BACE2: variants seen among roughly 807,000 people sequenced by gnomAD.
BACE2 encodes the protein 56 kDa aspartic-like protease.
A neutral mutation model predicts 46.2 loss-of-function variants in BACE2; 17 were observed. The observed-to-expected ratio is 0.37, with a 90% CI of 0.25 to 0.55. The LOEUF (loss-of-function observed/expected upper bound fraction) is 0.55. BACE2 is among the 20% of genes least tolerant of loss of function. The pLI is 0.82. For synonymous variants in BACE2, 277 were observed against 295.9 expected (o/e 0.94, Z 0.66); for missense variants, 595 against 698.1 (o/e 0.85, Z 1.66).
chr21:41,246,834 G>C (rs1480844142), intron 6 of BACE2, among the ~76,000 whole-genome samples: 2 of 152,170 alleles, frequency 1.3e-5, no homozygotes, highest in Non-Finnish European at 2.9e-5. Context: ...CTGGCGAGGG[G>C]TTTTGTGCCC....
At position 41,174,138 on chromosome 21, in the gene BACE2, C is replaced by CTTTTTTTTTTT. The variant is rs1568853912; in HGVS notation, c.312+5563_312+5564insTTTTTTTTTTT. Among the ~76,000 whole-genome samples the CTTTTTTTTTTT allele has an allele frequency of 7.9e-4, 56 of 70,640 alleles. 7 individuals carry two copies. The highest frequency in any genetic ancestry group is 2.8e-3 in the African/African-American group (30 of 10,562). 46.3% of individuals were successfully genotyped at this position (70,640 alleles called of 152,430 possible). A position where few individuals can be genotyped will look rare whatever the true frequency, so the allele number is the denominator to read the frequency against. On this transcript the variant is annotated intron_variant, in intron 1 of 8. Coordinates refer to ENST00000330333, the MANE Select transcript of BACE2 (RefSeq NM_012105.5). ...TAAGGATAGCTGTTGTGATCAGTGGCCTTTTTTTTTTTTTTTTTTTTTTTT... is the reference window on the plus strand; with the variant it reads ...TAAGGATAGCTGTTGTGATCAGTGGCTTTTTTTTTTTCTTTTTTTTTTTTTTTTTTTTTTTT...
At chr21:41,208,119 G>A (rs961256701) in intron 1 of BACE2, among the ~76,000 whole-genome samples, 1 of 152,344 alleles carries the variant, frequency 6.6e-6, no homozygotes, top group East Asian at 1.9e-4. Context: ...GCCTTAGGAT[G>A]TTAAGTGGAA....
At chr21:41,199,403 G>T (rs957858171) in intron 1 of BACE2, among the ~76,000 whole-genome samples, 97 of 152,168 alleles carry the variant, frequency 6.4e-4, no homozygotes, top group Middle Eastern at 3.4e-3. Flanking sequence ...AGCTGCTCGG[G>T]GGTCTGCAAG....
chr21:41,174,139 CT>C (rs1328562900), intron 1 of BACE2, among the ~76,000 whole-genome samples: 431 of 48,502 alleles, frequency 8.9e-3, no homozygotes, highest in Middle Eastern at 0.024. Context: ...GATCAGTGGC[CT>C]TTTTTTTTTT....
chr21:41,236,700 T>C (rs1987128548), intron 2 of BACE2: 1 of 152,256 alleles, frequency 6.6e-6, no homozygotes, highest in Admixed American at 6.5e-5. Context: ...ATGAGTTGTA[T>C]GTGTGAACCT....
At chr21:41,249,867 C>T (rs952633178) in intron 6 of BACE2, among the ~76,000 whole-genome samples, 6 of 152,246 alleles carry the variant, frequency 3.9e-5, no homozygotes, top group Non-Finnish European at 8.8e-5. Flanking sequence ...CTTGCCATCT[C>T]AGCAACTAGT....
chr21:41,250,540 A>C lies in BACE2; in HGVS notation c.985-212A>C, dbSNP rs141743586. Reference sequence around the variant, plus strand: ...TATAAGGGTGTCTAATACTAGTACTAGTAGGTACTTCATGTGTCTTGACAA... The same window carrying C: ...TATAAGGGTGTCTAATACTAGTACTCGTAGGTACTTCATGTGTCTTGACAA... On this transcript the variant is annotated intron_variant, in intron 6 of 8. Transcript: ENST00000330333. Among the ~76,000 whole-genome samples, 263 of 152,334 alleles carry C rather than the reference A, an allele frequency of 1.7e-3. 2 individuals carry two copies. Among genetic ancestry groups the C allele is most frequent in the African/African-American group, 4.8e-3 (198 of 41,576 alleles).
intron 6 of BACE2, among the ~76,000 whole-genome samples, chr21:41,247,278 G>A (rs1329339322): frequency 1.3e-5 from 2 of 152,140 alleles, no homozygotes; most frequent in African/African-American, 2.4e-5. Context: ...GACACAGAGG[G>A]GGAATAGGCA....
At chr21:41,271,470 C>A (rs1263069944) in intron 8 of BACE2, among the ~76,000 whole-genome samples, 1 of 152,154 alleles carries the variant, frequency 6.6e-6, no homozygotes, top group African/African-American at 2.4e-5. Flanking sequence ...CTGGTTTAGA[C>A]TATTTATATT....
At position 41,250,862 on chromosome 21, in the gene BACE2, G is replaced by A; in HGVS notation, c.1095G>A (p.Glu365=). 1 of 1,614,150 alleles carries A rather than the reference G, an allele frequency of 6.2e-7. No individual in the cohort carries two copies. Among genetic ancestry groups the A allele is most frequent in the Middle Eastern group, 1.6e-4 (1 of 6,062 alleles). Residue 365 remains glutamate, a synonymous_variant, in exon 7 of 9, where the codon GAG becomes GAA. Transcript: ENST00000330333. The stretch of plus-strand genomic sequence containing the variant: ...AAATCTCCATCTACCTGAGAGACGA[G>A]AACTCCAGCAGGTCATTCCGTATCA... ...FPKISIYLRD[E]NSSRSFRITI...
At chr21:41,252,725 A>G (rs939690097) in intron 7 of BACE2, among the ~76,000 whole-genome samples, 5 of 152,210 alleles carry the variant, frequency 3.3e-5, no homozygotes, top group African/African-American at 9.7e-5. Flanking sequence ...CTTTGTTGCA[A>G]TTGATGAATT....
chr21:41,253,510 A>T (rs1243119785), intron 7 of BACE2, among the ~76,000 whole-genome samples: 2 of 151,902 alleles, frequency 1.3e-5, no homozygotes, highest in South Asian at 4.1e-4. Context: ...CAAAATGTGG[A>T]CATTATTTCA....
chr21:41,177,080 A>T (rs9015), intron 1 of BACE2: 11,070 of 152,262 alleles, frequency 0.073, 938 homozygotes, highest in African/African-American at 0.21. Flanking sequence ...GCCTTTTCCC[A>T]TGAATGAGAC....
chr21:41,190,901 C>T (rs1442983429), intron 1 of BACE2, among the ~76,000 whole-genome samples: 2 of 152,180 alleles, frequency 1.3e-5, no homozygotes, highest in Non-Finnish European at 2.9e-5. Flanking sequence ...AGGAGGAGCC[C>T]AAAGTGTCCA....
chr21:41,269,528 C>T (rs1389617428), intron 8 of BACE2, among the ~76,000 whole-genome samples: 1 of 152,204 alleles, frequency 6.6e-6, no homozygotes, highest in Non-Finnish European at 1.5e-5. Context: ...CAGGAAACCA[C>T]TGACGTGCCT....
chr21:41,250,661 C>A, intron 6 of BACE2, 91 bp from the exon 7 acceptor site: 1 of 1,155,608 alleles, frequency 8.7e-7, no homozygotes, highest in South Asian at 1.3e-5. Context: ...TCCCTGTGGG[C>A]ATCTGGCGAG....
At chr21:41,243,982 C>T (rs1368097556) in intron 5 of BACE2, among the ~76,000 whole-genome samples, 1 of 152,184 alleles carries the variant, frequency 6.6e-6, no homozygotes, top group African/African-American at 2.4e-5. Context: ...AACGGTCATG[C>T]TGTATAGATG....
At chr21:41,247,276 G>A (rs1015241822) in intron 6 of BACE2, among the ~76,000 whole-genome samples, 5 of 152,130 alleles carry the variant, frequency 3.3e-5, no homozygotes, top group Non-Finnish European at 4.4e-5. Context: ...CGGACACAGA[G>A]GGGGAATAGG....
At chr21:41,274,177 G>A (rs988542236) in intron 8 of BACE2, among the ~76,000 whole-genome samples, 1 of 152,056 alleles carries the variant, frequency 6.6e-6, no homozygotes, top group Non-Finnish European at 1.5e-5. Context: ...CTCTGTTCTC[G>A]GTGTTGGCAG....
Sources: gnomAD v4.1 joint callset for allele counts (sites outside exome capture counted in the v4.1 genomes callset) on GRCh38, gnomAD v4.1.1 for gene constraint, MANE v1.5 for transcripts, NCBI Gene and HGNC (gene_info 2026-07-23, HGNC 2026-07-21) for gene names.